Variants in LRP1B observed in about 807,000 individuals in gnomAD.
LRP1B encodes low-density lipoprotein receptor-related protein 1B.
LRP1B carries 217 observed loss-of-function variants against 556.6 expected under a neutral mutation model. The ratio of observed to expected loss-of-function variants is 0.39; its 90% CI spans 0.35 to 0.44. The LOEUF is 0.44. Among genes scored for constraint, LRP1B ranks in the 20% least tolerant of loss-of-function variants. The probability of loss-of-function intolerance (pLI) is 1.00; values close to 1 mark genes in which losing one functional copy is unlikely to be tolerated. For synonymous variants in LRP1B, 2,047 were observed against 1,865.8 expected, an observed-to-expected ratio of 1.10 and a Z score of -2.50; for missense variants, 5,053 against 5,620.8, an observed-to-expected ratio of 0.90 and a Z score of 3.23.
At chr2:140,851,439 G>A (rs1354061282) in intron 28 of LRP1B, among the ~76,000 whole-genome samples, 3 of 152,044 alleles carry the variant, frequency 2.0e-5, no homozygotes, top group Non-Finnish European at 2.9e-5. Context: ...AAATAACAAA[G>A]TACAACATAT....
chr2:140,926,062 T>C (rs1247324550), intron 20 of LRP1B, among the ~76,000 whole-genome samples: 2 of 151,320 alleles, frequency 1.3e-5, no homozygotes. Flanking sequence ...TTTTCTTTTT[T>C]TTTTTTTTTT....
intron 2 of LRP1B, among the ~76,000 whole-genome samples, chr2:141,736,660 C>A (rs1693477939): frequency 6.6e-6 from 1 of 152,134 alleles, no homozygotes; most frequent in Non-Finnish European, 1.5e-5. Context: ...CAGATGCCAA[C>A]CTCATCACAG....
intron 2 of LRP1B, among the ~76,000 whole-genome samples, chr2:141,564,308 C>A (rs1359309044): frequency 1.3e-5 from 2 of 152,108 alleles, no homozygotes; most frequent in African/African-American, 2.4e-5. Context: ...CTTGGAGAGG[C>A]AAACTGGTGT....
chr2:140,536,422 T>C (rs1196023662), intron 46 of LRP1B, among the ~76,000 whole-genome samples, 159 bp downstream of exon 46: 1 of 150,108 alleles, frequency 6.7e-6, no homozygotes, highest in Non-Finnish European at 1.5e-5. Flanking sequence ...AAGTACCTCA[T>C]TTTAACACAA....
At chr2:141,095,855 T>C (rs1922692) in intron 7 of LRP1B, among the ~76,000 whole-genome samples, 44,634 of 151,902 alleles carry the variant, frequency 0.29, 7,035 homozygotes, top group East Asian at 0.65. Flanking sequence ...TCATGTGCAC[T>C]GCTCATGAGA....
intron 66 of LRP1B, among the ~76,000 whole-genome samples, chr2:140,410,634 A>G (rs1684934725): frequency 6.6e-6 from 1 of 152,170 alleles, no homozygotes; most frequent in South Asian, 2.1e-4. Context: ...TACAACCATT[A>G]AACACATGCA....
intron 67 of LRP1B, among the ~76,000 whole-genome samples, chr2:140,383,500 G>A (rs1683628046): frequency 1.3e-5 from 2 of 151,082 alleles, no homozygotes; most frequent in Non-Finnish European, 3.0e-5. Context: ...TAGAACGACT[G>A]GCATTGTCAA....
At chr2:141,806,460 G>T (rs1696172052) in intron 2 of LRP1B, among the ~76,000 whole-genome samples, 1 of 151,810 alleles carries the variant, frequency 6.6e-6, no homozygotes. Context: ...TCATTTTTAT[G>T]ACTAAAAGTC....
At chr2:140,820,759 A>G (rs954217824) in intron 31 of LRP1B, among the ~76,000 whole-genome samples, 1 of 152,148 alleles carries the variant, frequency 6.6e-6, no homozygotes, top group African/African-American at 2.4e-5. Flanking sequence ...GTAGTTCCTG[A>G]CAACACAATG....
intron 20 of LRP1B, among the ~76,000 whole-genome samples, chr2:140,924,044 T>A (rs1369427802): frequency 6.6e-6 from 1 of 151,990 alleles, no homozygotes; most frequent in Non-Finnish European, 1.5e-5. Context: ...GACCAAAGTT[T>A]TAATGTAACA....
intron 18 of LRP1B, among the ~76,000 whole-genome samples, chr2:140,966,974 A>G (rs4300776): frequency 6.6e-6 from 1 of 152,088 alleles, no homozygotes; most frequent in Non-Finnish European, 1.5e-5. Flanking sequence ...AGTCAGGTAG[A>G]GTGATGCCTC....
At chr2:140,264,626 G>A (rs1682105477) in intron 86 of LRP1B, among the ~76,000 whole-genome samples, 1 of 151,748 alleles carries the variant, frequency 6.6e-6, no homozygotes, top group South Asian at 2.1e-4. Context: ...TGGGTATCAG[G>A]TCTTCAACAT....
chr2:141,203,961 T>G (rs1682155747), intron 6 of LRP1B, among the ~76,000 whole-genome samples: 1 of 152,080 alleles, frequency 6.6e-6, no homozygotes, highest in Admixed American at 6.6e-5. Context: ...AAGGCAGAAA[T>G]AAAGATATTC....
intron 1 of LRP1B, among the ~76,000 whole-genome samples, chr2:142,076,532 A>G (rs974945182): frequency 6.6e-6 from 1 of 152,110 alleles, no homozygotes. Context: ...CTCATGTTTC[A>G]TGGGTCGTTC....
Position 140,886,118 on chromosome 2 carries a change from A to G in LRP1B, c.3964+20T>C. 6.9e-7 allele frequency: 1 copy of G among 1,453,176 alleles called. No homozygotes were observed. The allele number at this position is 1,453,176 out of a possible 1,614,324, so 90.0% of individuals were successfully genotyped here. A position where few individuals can be genotyped will look rare whatever the true frequency, so the allele number is the denominator to read the frequency against. ...TTAAAAAAGTAATCTAAACATTAAGAAAAATTATAATATATGTACCTCCAC... is the reference window on the plus strand; with the variant it reads ...TTAAAAAAGTAATCTAAACATTAAGGAAAATTATAATATATGTACCTCCAC... On this transcript the variant is annotated intron_variant, in intron 24 of 90. Coordinates refer to ENST00000389484, the MANE Select transcript of LRP1B (RefSeq NM_018557.3).
chr2:141,647,273 A>T (rs1353451986), intron 2 of LRP1B, among the ~76,000 whole-genome samples: 1 of 152,188 alleles, frequency 6.6e-6, no homozygotes, highest in East Asian at 1.9e-4. Flanking sequence ...TTAGCAGAGT[A>T]AAATGTCCAA....
At chr2:140,983,049 GA>G (rs1696818376) in intron 17 of LRP1B, among the ~76,000 whole-genome samples, 1 of 152,032 alleles carries the variant, frequency 6.6e-6, no homozygotes, top group Admixed American at 6.6e-5. Context: ...GAGGAAATTT[GA>G]TAATCCTTTT....
chr2:140,978,839 T>G (rs112930088), intron 18 of LRP1B, among the ~76,000 whole-genome samples: 214 of 152,334 alleles, frequency 1.4e-3, no homozygotes, highest in African/African-American at 4.9e-3. Flanking sequence ...GTACTGATAC[T>G]AACCCATGCC....
intron 43 of LRP1B, among the ~76,000 whole-genome samples, chr2:140,561,417 A>G (rs745720278): frequency 6.6e-6 from 1 of 152,144 alleles, no homozygotes; most frequent in Non-Finnish European, 1.5e-5. Context: ...TCCATTCTTC[A>G]TTGAACTTAA....
Sources: allele counts gnomAD v4.1 joint callset (sites outside exome capture counted in the v4.1 genomes callset), GRCh38; gene constraint gnomAD v4.1.1; transcripts MANE v1.5; gene names NCBI Gene and HGNC (gene_info 2026-07-23, HGNC 2026-07-21).